The following PTPRE variants were observed in gnomAD, a reference collection of about 807,000 sequenced individuals.
PTPRE encodes receptor-type tyrosine-protein phosphatase epsilon.
Under a neutral mutation model 102.0 loss-of-function variants are expected in PTPRE, and 51 were observed. The ratio of observed to expected loss-of-function variants is 0.50; its 90% CI spans 0.40 to 0.63. PTPRE has a LOEUF of 0.63. Among genes scored for constraint, PTPRE ranks in the 30% least tolerant of loss-of-function variants. PTPRE has a pLI of 0.00. For missense variants in PTPRE, 752 were observed against 915.1 expected, an observed-to-expected ratio of 0.82 and a Z score of 2.30; for synonymous variants, 345 against 348.2, an observed-to-expected ratio of 0.99 and a Z score of 0.10.
Position 127,916,498 on chromosome 10 carries a change from A to G in PTPRE, c.-31+9189A>G, listed in dbSNP as rs151218915. Reference sequence around the variant, plus strand: ...AACCTCTTTCCTTTATAAATTACCCAGTCTTAGGCAGTTCTTTATAGCAGT... The same window carrying G: ...AACCTCTTTCCTTTATAAATTACCCGGTCTTAGGCAGTTCTTTATAGCAGT... On this transcript the variant is annotated intron_variant, in intron 1 of 20. Transcript: ENST00000254667. Among the ~76,000 whole-genome samples, 415 of 152,316 alleles carry G rather than the reference A, an allele frequency of 2.7e-3. 3 individuals carry two copies. The highest frequency in any genetic ancestry group is 9.4e-3 in the African/African-American group (392 of 41,562).
In PTPRE at chr10:128,066,067, C is replaced by A; in HGVS notation, c.724-8C>A. 6.2e-7 allele frequency: 1 copy of A among 1,614,126 alleles called. No individual in the cohort carries two copies. The highest frequency in any genetic ancestry group is 8.5e-7 in the Non-Finnish European group (1 of 1,180,022). ...ATCTATTTGCTTCTATTAAATTGTT[C>A]CGTGCAGGAAAAGTGCCATCAGTAC... On this transcript the variant is annotated splice_region_variant and splice_polypyrimidine_tract_variant and intron_variant, in intron 10 of 20. Coordinates refer to ENST00000254667, the MANE Select transcript of PTPRE (RefSeq NM_006504.6).
chr10:128,077,900 G>A, intron 19 of PTPRE, 117 bp downstream of exon 19: 2 of 1,200,158 alleles, frequency 1.7e-6, no homozygotes, highest in South Asian at 3.1e-5. Context: ...ATTCCCTAGA[G>A]TCTCCTCTCT....
chr10:127,935,942 C>T (rs1199428723), intron 1 of PTPRE: 2 of 152,292 alleles, frequency 1.3e-5, no homozygotes, highest in Non-Finnish European at 2.9e-5. Context: ...TCGAGGCCTT[C>T]TTCCCTCTGC....
chr10:128,039,171 T>C (rs1009632558), intron 2 of PTPRE, among the ~76,000 whole-genome samples: 2 of 152,226 alleles, frequency 1.3e-5, no homozygotes, highest in African/African-American at 2.4e-5. Context: ...CAGTGTGCAA[T>C]ACCAGATTTT....
intron 2 of PTPRE, among the ~76,000 whole-genome samples, chr10:128,003,420 G>A (rs1323831285): frequency 6.6e-6 from 1 of 152,058 alleles, no homozygotes; most frequent in Non-Finnish European, 1.5e-5. Flanking sequence ...TATTAGCACT[G>A]TTGATTCTTT....
At chr10:127,926,275 G>C (rs1156700118) in intron 1 of PTPRE, among the ~76,000 whole-genome samples, 1 of 152,188 alleles carries the variant, frequency 6.6e-6, no homozygotes, top group African/African-American at 2.4e-5. Flanking sequence ...GTAATCAACT[G>C]TCTTTTGCAA....
At chr10:128,029,408 A>G (rs1846539850) in intron 2 of PTPRE, among the ~76,000 whole-genome samples, 1 of 152,192 alleles carries the variant, frequency 6.6e-6, no homozygotes, top group South Asian at 2.1e-4. Flanking sequence ...AAAGACCAGA[A>G]GAGTCGCCAG....
At chr10:128,010,542 G>GTTCCT (rs1554919697) in intron 2 of PTPRE, among the ~76,000 whole-genome samples, 1 of 71,792 alleles carries the variant, frequency 1.4e-5, no homozygotes, top group Non-Finnish European at 3.1e-5. Context: ...GTCAAACCCT[G>GTTCCT]TTCCTTTTCT....
intron 3 of PTPRE, among the ~76,000 whole-genome samples, chr10:128,042,585 C>T (rs549476229): frequency 7.9e-5 from 12 of 152,294 alleles, no homozygotes; most frequent in South Asian, 2.1e-4. Context: ...AAGGCGCAGA[C>T]GGGCTCGTTT....
rs557803423 is a variant in PTPRE at position 128,002,995 on chromosome 10, G to A, written c.-8+20699G>A. Among the ~76,000 whole-genome samples the A allele has an allele frequency of 2.0e-4, 30 of 152,254 alleles. No homozygotes were observed. In the East Asian group the frequency reaches 5.6e-3, roughly 29 times the overall value. On this transcript the variant is annotated intron_variant, in intron 2 of 20. Coordinates refer to ENST00000254667, the MANE Select transcript of PTPRE (RefSeq NM_006504.6). ...AGGCATGAGCCACTGTGCCTGGCCT[G>A]GGAGTCATATGTCTTATGGATGTTG...
At chr10:128,033,126 C>T (rs1185076881) in intron 2 of PTPRE, among the ~76,000 whole-genome samples, 1 of 152,192 alleles carries the variant, frequency 6.6e-6, no homozygotes, top group South Asian at 2.1e-4. Context: ...ATTCACTAAG[C>T]GGCTGCTTGA....
At chr10:128,066,015 G>A in intron 10 of PTPRE, 60 bp from the exon 11 acceptor site, 1 of 1,612,670 alleles carries the variant, frequency 6.2e-7, no homozygotes, top group Admixed American at 1.7e-5. Flanking sequence ...TTGGGTGGGG[G>A]GATGTCATGA....
chr10:127,908,620 G>T (rs1845657439), intron 1 of PTPRE, among the ~76,000 whole-genome samples: 2 of 152,182 alleles, frequency 1.3e-5, no homozygotes, highest in Admixed American at 1.3e-4. Flanking sequence ...CCAAGCACAG[G>T]CTCTTGGCAT....
chr10:127,972,907 C>T (rs927830492), intron 1 of PTPRE, among the ~76,000 whole-genome samples: 1 of 152,232 alleles, frequency 6.6e-6, no homozygotes, highest in Non-Finnish European at 1.5e-5. Context: ...AGGCCTGGGA[C>T]TGTCCAGCTG....
intron 2 of PTPRE, among the ~76,000 whole-genome samples, chr10:128,034,618 G>A (rs1463121240): frequency 6.6e-6 from 1 of 152,174 alleles, no homozygotes; most frequent in Non-Finnish European, 1.5e-5. Flanking sequence ...GATCCCTTGA[G>A]CCCAGGAGGT....
At chr10:128,038,456 AC>A (rs1305232636) in intron 2 of PTPRE, among the ~76,000 whole-genome samples, 1 of 152,184 alleles carries the variant, frequency 6.6e-6, no homozygotes, top group African/African-American at 2.4e-5. Context: ...GCACATATAC[AC>A]CATGGAATAC....
intron 1 of PTPRE, among the ~76,000 whole-genome samples, chr10:127,938,504 G>A (rs183962566): frequency 3.0e-4 from 45 of 152,236 alleles, no homozygotes; most frequent in African/African-American, 1.0e-3. Context: ...AGGAGGCTGA[G>A]GTGGGAGGAT....
intron 1 of PTPRE, among the ~76,000 whole-genome samples, chr10:127,935,432 C>T (rs766294752): frequency 6.6e-6 from 1 of 152,180 alleles, no homozygotes; most frequent in African/African-American, 2.4e-5. Flanking sequence ...CCTTCTTGTC[C>T]TTTCCCAGAT....
At chr10:128,056,801 G>A (rs1356335635) in intron 7 of PTPRE, among the ~76,000 whole-genome samples, 2 of 152,138 alleles carry the variant, frequency 1.3e-5, no homozygotes, top group African/African-American at 4.8e-5. Context: ...AGAGCAGACG[G>A]ATGTGTGCGG....
Sources: gnomAD v4.1 joint callset for allele counts (sites outside exome capture counted in the v4.1 genomes callset) on GRCh38, gnomAD v4.1.1 for gene constraint, MANE v1.5 for transcripts, NCBI Gene and HGNC (gene_info 2026-07-23, HGNC 2026-07-21) for gene names.